MAGI1: variants seen among roughly 807,000 people sequenced by gnomAD.
The protein encoded by MAGI1 is membrane associated guanylate kinase, WW and PDZ domain containing 1.
A neutral mutation model predicts 139.9 loss-of-function variants in MAGI1; 58 were observed. The ratio of observed to expected loss-of-function variants is 0.41; its 90% confidence interval spans 0.34 to 0.52. MAGI1 has a LOEUF of 0.52. Ranked by LOEUF, MAGI1 falls within the 20% of genes least tolerant of loss-of-function variation. The pLI is 0.12. For missense variants in MAGI1, 1,874 were observed against 1,901.6 expected (o/e 0.99, Z 0.27); for synonymous variants, 812 against 737.9 (o/e 1.10, Z -1.63).
In MAGI1 at chr3:65,477,711, A is replaced by ATTATTTTTT. The variant is rs376492339; in HGVS notation, c.757+880_757+881insAAAAAATAA. ...ACGCAACATTATTATTATTATTATT[A>ATTATTTTTT]TTTTTTTTTTTTTATTTATATTTTT... On this transcript the variant is annotated intron_variant, in intron 4 of 22. Transcript: ENST00000402939. Among the ~76,000 whole-genome samples, 79 of 141,606 alleles carry ATTATTTTTT rather than the reference A, an allele frequency of 5.6e-4. No homozygotes were observed. In the Middle Eastern group the frequency reaches 0.011, roughly 20 times the overall value. The allele number at this position is 141,606 out of a possible 152,430, so 92.9% of individuals were successfully genotyped here.
chr3:65,376,558 A>T (rs1942548768), intron 17 of MAGI1, among the ~76,000 whole-genome samples: 1 of 152,208 alleles, frequency 6.6e-6, no homozygotes, highest in Non-Finnish European at 1.5e-5. Context: ...GGGTGTAATT[A>T]TAAGAGATGA....
intron 21 of MAGI1, among the ~76,000 whole-genome samples, chr3:65,361,758 T>C (rs1340102318): frequency 6.6e-6 from 1 of 152,202 alleles, no homozygotes; most frequent in East Asian, 1.9e-4. Flanking sequence ...GATTTTGTCA[T>C]CTGTCTTACT....
rs149973837 is a variant in MAGI1, at chr3:65,498,899, C to T, written c.431-5268G>A. The T allele has an allele frequency of 9.4e-6, 5 of 530,232 alleles. No individual in the cohort carries two copies. In the East Asian group the frequency reaches 4.5e-4, roughly 48 times the overall value. 32.8% of individuals were successfully genotyped at this position (530,232 alleles called of 1,614,324 possible). A position where few individuals can be genotyped will look rare whatever the true frequency, so the allele number is the denominator to read the frequency against. ...GCCACATGTGGCTAGTGGCTACTGG[C>T]CTGGTCAGTACAGCTCTCAACCATG... On this transcript the variant is annotated intron_variant, in intron 2 of 22. Transcript: ENST00000402939.
At chr3:65,835,431 G>C (rs2042752023) in intron 1 of MAGI1, among the ~76,000 whole-genome samples, 1 of 152,164 alleles carries the variant, frequency 6.6e-6, no homozygotes, top group East Asian at 1.9e-4. Context: ...AAATGTACCA[G>C]CAAGTTAACT....
At chr3:65,509,655 G>A (rs553510915) in intron 2 of MAGI1, among the ~76,000 whole-genome samples, 3 of 152,170 alleles carry the variant, frequency 2.0e-5, no homozygotes, top group Non-Finnish European at 4.4e-5. Context: ...AGGGTCCTAC[G>A]CCCACGGAAT....
intron 1 of MAGI1, among the ~76,000 whole-genome samples, chr3:65,723,991 C>G (rs1254316108): frequency 1.3e-5 from 2 of 152,186 alleles, no homozygotes; most frequent in Admixed American, 1.3e-4. Context: ...CCATCAATTG[C>G]AGACACATAC....
intron 1 of MAGI1, among the ~76,000 whole-genome samples, chr3:65,910,153 A>T (rs1352105616): frequency 6.6e-6 from 1 of 152,232 alleles, no homozygotes; most frequent in Admixed American, 6.5e-5. Context: ...CCCCTCATCT[A>T]GCTCATAACC....
intron 2 of MAGI1, among the ~76,000 whole-genome samples, chr3:65,612,716 C>G (rs775570659): frequency 6.6e-6 from 1 of 152,072 alleles, no homozygotes; most frequent in Admixed American, 6.6e-5. Context: ...ATTTTACTTA[C>G]GTTTATTGAA....
intron 1 of MAGI1, among the ~76,000 whole-genome samples, chr3:65,685,533 A>T (rs1188395636): frequency 6.6e-6 from 1 of 152,244 alleles, no homozygotes; most frequent in African/African-American, 2.4e-5. Context: ...TGTATTACAC[A>T]CAATGTCAAA....
chr3:65,639,112 G>A (rs2084827895), intron 1 of MAGI1, among the ~76,000 whole-genome samples: 1 of 152,180 alleles, frequency 6.6e-6, no homozygotes, highest in Admixed American at 6.5e-5. Flanking sequence ...ACTAACAGAA[G>A]TGTCTTTTCA....
chr3:65,525,436 T>C (rs893237860), intron 2 of MAGI1, among the ~76,000 whole-genome samples: 6 of 152,196 alleles, frequency 3.9e-5, no homozygotes, highest in Non-Finnish European at 5.9e-5. Flanking sequence ...GCTTTTAAAA[T>C]CTGTAGAACT....
chr3:65,500,047 C>T (rs528100270), intron 2 of MAGI1, among the ~76,000 whole-genome samples: 17 of 152,218 alleles, frequency 1.1e-4, no homozygotes, highest in East Asian at 5.8e-4. Context: ...AACATGCAAA[C>T]GACTTATAGA....
At chr3:65,463,974 C>A (rs904621069) in intron 5 of MAGI1, among the ~76,000 whole-genome samples, 4 of 152,212 alleles carry the variant, frequency 2.6e-5, no homozygotes, top group Admixed American at 6.5e-5. Flanking sequence ...GTGGTGATAT[C>A]CCCTTTATCA....
At chr3:66,002,437 T>G (rs1245337867) in intron 1 of MAGI1, among the ~76,000 whole-genome samples, 4 of 151,788 alleles carry the variant, frequency 2.6e-5, no homozygotes, top group Non-Finnish European at 5.9e-5. Flanking sequence ...GGGTGGGGGG[T>G]GGTGGTGAAG....
chr3:66,006,321 C>A (rs2067009543), intron 1 of MAGI1, among the ~76,000 whole-genome samples: 1 of 152,086 alleles, frequency 6.6e-6, no homozygotes, highest in African/African-American at 2.4e-5. Context: ...AAAATGAAAT[C>A]CCACCTTCTA....
chr3:65,779,040 G>C (rs1410769711), intron 1 of MAGI1, among the ~76,000 whole-genome samples: 1 of 152,156 alleles, frequency 6.6e-6, no homozygotes, highest in Non-Finnish European at 1.5e-5. Flanking sequence ...GAATTATCCA[G>C]TCCAAAATGT....
intron 1 of MAGI1, among the ~76,000 whole-genome samples, chr3:65,737,688 G>T (rs953423995): frequency 9.2e-5 from 14 of 152,122 alleles, no homozygotes; most frequent in Admixed American, 3.9e-4. Flanking sequence ...GGTGGCTGGG[G>T]TCAAACCACA....
At chr3:66,019,629 A>G (rs139549825) in intron 1 of MAGI1, among the ~76,000 whole-genome samples, 6 of 152,332 alleles carry the variant, frequency 3.9e-5, no homozygotes, top group African/African-American at 1.4e-4. Flanking sequence ...AATAATAATA[A>G]TAAGATAGTG....
intron 2 of MAGI1, among the ~76,000 whole-genome samples, chr3:65,590,816 A>G (rs2081933840): frequency 6.6e-6 from 1 of 152,192 alleles, no homozygotes; most frequent in African/African-American, 2.4e-5. Context: ...AGGAAACATG[A>G]ACTTGCGGTA....
Sources: gnomAD v4.1 joint callset for allele counts (sites outside exome capture counted in the v4.1 genomes callset) on GRCh38, gnomAD v4.1.1 for gene constraint, MANE v1.5 for transcripts, NCBI Gene and HGNC (gene_info 2026-07-23, HGNC 2026-07-21) for gene names.